The following PCK1 variants were observed in gnomAD, a reference collection of about 807,000 sequenced individuals.
The protein encoded by PCK1 is phosphoenolpyruvate carboxykinase, cytosolic [GTP].
A neutral mutation model predicts 50.3 loss-of-function variants in PCK1; 44 were observed. The observed-to-expected ratio is 0.87, with a 90% CI of 0.69 to 1.12. The LOEUF is 1.12. Ranked by LOEUF, PCK1 falls within the 50% of genes most tolerant of loss-of-function variation. The pLI is 0.00. For missense variants in PCK1, 790 were observed against 815.0 expected (o/e 0.97, Z 0.37); for synonymous variants, 332 against 314.3 (o/e 1.06, Z -0.59).
rs771938481 is a variant in PCK1, at chr20:57,563,175, G to T, written c.758G>T (p.Arg253Leu). ...KKCFALRMAS[R>L]LAKEEGWLAE... The stretch of plus-strand genomic sequence containing the variant: ...TGCTTTGCTCTCAGGATGGCCAGCC[G>T]GCTGGCCAAGGAGGAAGGGTGGCTG... The change falls in exon 5 of 10, where the codon CGG becomes CTG. Residue 253 changes from arginine (R) to leucine (L), a missense_variant. Coordinates refer to ENST00000319441, the MANE Select transcript of PCK1 (RefSeq NM_002591.4). 5 of 1,613,738 alleles carry T rather than the reference G, an allele frequency of 3.1e-6. No homozygotes were observed. The highest frequency in any genetic ancestry group is 4.2e-6 in the Non-Finnish European group (5 of 1,180,026).
Position 57,563,107 on chromosome 20 carries a change from C to G in PCK1, c.690C>G (p.Ser230=), listed in dbSNP as rs1305085534. 1.2e-6 allele frequency: 2 copies of G among 1,614,032 alleles called. No homozygotes were observed. The highest frequency in any genetic ancestry group is 1.7e-6 in the Non-Finnish European group (2 of 1,180,036). ...TGCCTGACCGCAGAGAGATCATCTCCTTTGGCAGTGGGTACGGCGGGAACT... is the reference window on the plus strand; with the variant it reads ...TGCCTGACCGCAGAGAGATCATCTCGTTTGGCAGTGGGTACGGCGGGAACT... ...AHLPDRREII[S]FGSGYGGNSL... The change falls in exon 5 of 10, where the codon TCC becomes TCG. Residue 230 remains serine (S), a synonymous_variant. Coordinates refer to ENST00000319441, the MANE Select transcript of PCK1 (RefSeq NM_002591.4).
At chr20:57,563,779 T>C in intron 6 of PCK1, 52 bp downstream of exon 6, 3 of 1,456,748 alleles carry the variant, frequency 2.1e-6, no homozygotes, top group Non-Finnish European at 2.8e-6. Flanking sequence ...AGCGAATCGT[T>C]GGCCTTCGAA....
chr20:57,561,261 C>A, intron 1 of PCK1, 58 bp downstream of exon 1: 1 of 585,104 alleles, frequency 1.7e-6, no homozygotes, highest in Non-Finnish European at 3.0e-6. Context: ...TCATTTTTTT[C>A]CTGAGAGCAA....
Position 57,565,662 on chromosome 20 carries a change from A to G in PCK1, c.1727A>G (p.Glu576Gly). ...LKGLGHINMM[E>G]LFSISKEFWE... ...GGCCTGGGGCACATCAACATGATGGAGCTTTTCAGCATCTCCAAGGAATTC... is the reference window on the plus strand; with the variant it reads ...GGCCTGGGGCACATCAACATGATGGGGCTTTTCAGCATCTCCAAGGAATTC... The change falls in exon 10 of 10, where the codon GAG (glutamate) becomes GGG (glycine). Residue 576 changes from glutamate (E) to glycine (G), a missense_variant. Coordinates refer to ENST00000319441, the MANE Select transcript of PCK1 (RefSeq NM_002591.4). The G allele has an allele frequency of 1.2e-6, 2 of 1,614,098 alleles. No homozygotes were observed. The highest frequency in any genetic ancestry group is 1.7e-6 in the Non-Finnish European group (2 of 1,180,018).
Position 57,563,571 on chromosome 20 carries a change from G to A in PCK1, c.805G>A (p.Gly269Ser). 6.2e-7 allele frequency: 1 copy of A among 1,604,134 alleles called. No individual in the cohort carries two copies. The highest frequency in any genetic ancestry group is 8.5e-7 in the Non-Finnish European group (1 of 1,173,152). Residue 269 changes from glycine to serine, a missense_variant, in exon 6 of 10, where the codon GGT (glycine) becomes AGT (serine). Coordinates refer to ENST00000319441, the MANE Select transcript of PCK1 (RefSeq NM_002591.4). ...GWLAEHMLIL[G>S]ITNPEGEKKY... ...AGAATCTTGTCCCCAACAGATTCTG[G>A]GTATAACCAACCCTGAGGGTGAGAA...
chr20:57,565,780 G>C lies in PCK1; in HGVS notation c.1845G>C (p.Leu615Phe). The change falls in exon 10 of 10, where the codon TTG becomes TTC. Residue 615 changes from leucine (L) to phenylalanine (F), a missense_variant. Leu to Phe is a conservative substitution (Grantham distance 22, BLOSUM62 0). Coordinates refer to ENST00000319441, the MANE Select transcript of PCK1 (RefSeq NM_002591.4). ...PCEIEREILA[L>F]KQRISQM is the part of the protein sequence containing the mutation. ...AAATCGAGAGAGAGATCCTTGCCTT[G>C]AAGCAAAGAATAAGCCAGATGTAAT... The C allele has an allele frequency of 6.2e-7, 1 of 1,611,424 alleles. No individual in the cohort carries two copies. The highest frequency in any genetic ancestry group is 8.5e-7 in the Non-Finnish European group (1 of 1,178,880).
Position 57,567,934 on chromosome 20 carries a change from A to G in PCK1, c.*2130A>G, listed in dbSNP as rs2070217247. Reference sequence around the variant, plus strand: ...GCCCTGCAAGCCTGGGGGACAGCCTAGAGGAGGTGACTTACATACACAGCA... The same window carrying G: ...GCCCTGCAAGCCTGGGGGACAGCCTGGAGGAGGTGACTTACATACACAGCA... On this transcript the variant is annotated 3_prime_UTR_variant, in exon 10 of 10. Transcript: ENST00000319441. 1 of 152,298 alleles carries G rather than the reference A, an allele frequency of 6.6e-6. No homozygotes were observed. Among genetic ancestry groups the G allele is most frequent in the African/African-American group, 2.4e-5 (1 of 41,464 alleles). The allele number at this position is 152,298 out of a possible 1,614,324, so 9.4% of individuals were successfully genotyped here.
intron 4 of PCK1, 62 bp from the exon 5 acceptor site, chr20:57,562,966 T>G: frequency 5.1e-6 from 8 of 1,575,346 alleles, no homozygotes; most frequent in Non-Finnish European, 6.1e-6. Flanking sequence ...CCCCAGTGAG[T>G]GCCTCGGGGA....
chr20:57,565,020 C>CT lies in PCK1; in HGVS notation c.1319-11dup, dbSNP rs59716278. Reference sequence around the variant, plus strand: ...TTCAAAGCCTCTGATGAACATTTCTCTTTTTTTTTCCTGCTAAAGGTGTCC... The same window carrying CT: ...TTCAAAGCCTCTGATGAACATTTCTCTTTTTTTTTTCCTGCTAAAGGTGTCC... On this transcript the variant is annotated intron_variant, in intron 8 of 9. Coordinates refer to ENST00000319441, the MANE Select transcript of PCK1 (RefSeq NM_002591.4). 56,338 of 1,532,078 alleles carry CT rather than the reference C, an allele frequency of 0.037. 852 individuals carry two copies. The highest frequency in any genetic ancestry group is 0.043 in the Non-Finnish European group (48,286 of 1,113,554). 94.9% of individuals were successfully genotyped at this position (1,532,078 alleles called of 1,614,324 possible). A position where few individuals can be genotyped will look rare whatever the true frequency, so the allele number is the denominator to read the frequency against.
Position 57,564,208 on chromosome 20 carries a change from G to T in PCK1, c.1001G>T (p.Gly334Val), listed in dbSNP as rs893585457. 1 of 1,613,776 alleles carries T rather than the reference G, an allele frequency of 6.2e-7. No homozygotes were observed. The highest frequency in any genetic ancestry group is 1.3e-5 in the African/African-American group (1 of 74,886). Reference protein sequence around the residue: ...RAINPENGFFGVAPGTSVKTN... With the variant: ...RAINPENGFFVVAPGTSVKTN... Reference sequence around the variant, plus strand: ...ATCAACCCAGAAAATGGCTTTTTCGGTGTCGCTCCTGGGACTTCAGTGAAG... The same window carrying T: ...ATCAACCCAGAAAATGGCTTTTTCGTTGTCGCTCCTGGGACTTCAGTGAAG... Residue 334 changes from glycine to valine, a missense_variant, in exon 7 of 10, where the codon GGT becomes GTT. Coordinates refer to ENST00000319441, the MANE Select transcript of PCK1 (RefSeq NM_002591.4).
intron 2 of PCK1, 116 bp from the exon 3 acceptor site, chr20:57,561,955 T>G (rs1232028601): frequency 1.3e-6 from 1 of 784,490 alleles, no homozygotes; most frequent in African/African-American, 1.7e-5. Flanking sequence ...GTGTTCACAC[T>G]GATGGACTGT....
In PCK1 at chr20:57,566,307, A is replaced by G. The variant is rs906309613; in HGVS notation, c.*503A>G. ...GGAAAAATCTTGGGCAAGATGACCTACTAGTTTTCCTTGAAAAAAAGTTGC... is the reference window on the plus strand; with the variant it reads ...GGAAAAATCTTGGGCAAGATGACCTGCTAGTTTTCCTTGAAAAAAAGTTGC... On this transcript the variant is annotated 3_prime_UTR_variant, in exon 10 of 10. Coordinates refer to ENST00000319441, the MANE Select transcript of PCK1 (RefSeq NM_002591.4). 6.6e-6 allele frequency: 1 copy of G among 152,492 alleles called. No individual in the cohort carries two copies. The highest frequency in any genetic ancestry group is 1.5e-5 in the Non-Finnish European group (1 of 68,356). 9.4% of individuals were successfully genotyped at this position (152,492 alleles called of 1,614,324 possible). A position where few individuals can be genotyped will look rare whatever the true frequency, so the allele number is the denominator to read the frequency against.
intron 9 of PCK1, 72 bp downstream of exon 9, chr20:57,565,207 C>A: frequency 2.2e-6 from 3 of 1,341,672 alleles, no homozygotes; most frequent in Non-Finnish European, 3.2e-6. Context: ...TTATGTCTCT[C>A]TCCTTTTCTG....
rs2070173655 is a variant in PCK1 at position 57,563,592 on chromosome 20, GAGA to G, written c.832_834del (p.Lys278del). 1 of 1,611,264 alleles carries G rather than the reference GAGA, an allele frequency of 6.2e-7. No homozygotes were observed. Among genetic ancestry groups the G allele is most frequent in the Non-Finnish European group, 8.5e-7 (1 of 1,177,822 alleles). ...TCTGGGTATAACCAACCCTGAGGGT[GAGA>G]AGAAGTACCTGGCGGCCGCATTTCC... On this transcript the variant is annotated inframe_deletion, in exon 6 of 10. Transcript: ENST00000319441.
chr20:57,562,991 C>T (rs756582445), intron 4 of PCK1, 37 bp from the exon 5 acceptor site: 3 of 1,595,198 alleles, frequency 1.9e-6, no homozygotes, highest in Non-Finnish European at 1.7e-6. Flanking sequence ...CAAGCAGGGC[C>T]CTGGCGCACT....
At chr20:57,565,240 G>C (rs2070192168) in intron 9 of PCK1, 105 bp downstream of exon 9, 3 of 1,262,426 alleles carry the variant, frequency 2.4e-6, no homozygotes, top group African/African-American at 1.5e-5. Flanking sequence ...GGGAGAGAGA[G>C]AGAGAGAAAG....
intron 3 of PCK1, 61 bp downstream of exon 3, chr20:57,562,313 A>G: frequency 7.2e-7 from 1 of 1,381,276 alleles, no homozygotes; most frequent in Non-Finnish European, 1.0e-6. Flanking sequence ...ATTTACATCT[A>G]TCCTAATGGT....
intron 1 of PCK1, 84 bp downstream of exon 1, chr20:57,561,287 G>GCACA: frequency 1.5e-6 from 1 of 666,668 alleles, no homozygotes; most frequent in Non-Finnish European, 2.7e-6. Flanking sequence ...ATTTGGCAAT[G>GCACA]CACAGCCCTG....
chr20:57,563,409 T>G lies in PCK1; in HGVS notation c.799-156T>G. 3 of 686,410 alleles carry G rather than the reference T, an allele frequency of 4.4e-6. No individual in the cohort carries two copies. The East Asian group carries it at 8.1e-5, about 19-fold the overall frequency. The allele number at this position is 686,410 out of a possible 1,614,324, so 42.5% of individuals were successfully genotyped here. On this transcript the variant is annotated intron_variant, in intron 5 of 9. Transcript: ENST00000319441. ...AAGGCCCCCAAACACCAGGGGACCA[T>G]AGAGATCCTTTGGACTTCATGATTC...
Sources: allele counts gnomAD v4.1 joint callset, GRCh38; gene constraint gnomAD v4.1.1; transcripts MANE v1.5; gene names NCBI Gene and HGNC (gene_info 2026-07-23, HGNC 2026-07-21).